CHD7: variants seen among roughly 807,000 people sequenced by gnomAD.
The protein encoded by CHD7 is ATP-dependent chromatin remodeler CHD7.
Under a neutral mutation model 307.3 loss-of-function variants are expected in CHD7, and 24 were observed. The ratio of observed to expected loss-of-function variants is 0.08; its 90% CI spans 0.06 to 0.11. The LOEUF (loss-of-function observed/expected upper bound fraction) is 0.11. Ranked by LOEUF, CHD7 falls within the 10% of genes least tolerant of loss-of-function variation. The probability of loss-of-function intolerance (pLI) is 1.00; values close to 1 mark genes in which losing one functional copy is unlikely to be tolerated. For synonymous variants in CHD7, 1,363 were observed against 1,349.9 expected (o/e 1.01, Z -0.21); for missense variants, 3,106 against 3,727.1 (o/e 0.83, Z 4.34).
At chr8:60,798,347 G>T (rs1401277669) in intron 4 of CHD7, among the ~76,000 whole-genome samples, 2 of 152,172 alleles carry the variant, frequency 1.3e-5, no homozygotes, top group Non-Finnish European at 2.9e-5. Context: ...ACTTTTTCTA[G>T]AATGGTCTCA....
chr8:60,810,926 C>G (rs1812772013), intron 7 of CHD7, among the ~76,000 whole-genome samples: 1 of 152,210 alleles, frequency 6.6e-6, no homozygotes, highest in South Asian at 2.1e-4. Context: ...AGCTCTGCCT[C>G]TTGTCAGATC....
intron 4 of CHD7, among the ~76,000 whole-genome samples, chr8:60,800,036 T>C (rs967198549): frequency 5.5e-5 from 8 of 144,332 alleles, no homozygotes; most frequent in African/African-American, 1.8e-4. Flanking sequence ...AACATTTTTC[T>C]TTTTTTTTTT....
chr8:60,684,109 T>C (rs1805762426), intron 1 of CHD7, among the ~76,000 whole-genome samples: 1 of 152,224 alleles, frequency 6.6e-6, no homozygotes, highest in Non-Finnish European at 1.5e-5. Context: ...TCTGTTCTGC[T>C]TTTACTTTGA....
rs1166766189 is a variant in CHD7, at chr8:60,849,069, C to A, written c.5319C>A (p.Ile1773=). ...GADSSEADVW[I]PEPFHAEVPA... ...CTTTCAGTGAAGCCGATGTGTGGATCCCTGAACCTTTCCATGCTGAAGTTC... is the reference window on the plus strand; with the variant it reads ...CTTTCAGTGAAGCCGATGTGTGGATACCTGAACCTTTCCATGCTGAAGTTC... The change falls in exon 25 of 38, where the codon ATC becomes ATA. Residue 1773 remains isoleucine (I), a synonymous_variant. Transcript: ENST00000423902. 10 of 1,613,386 alleles carry A rather than the reference C, an allele frequency of 6.2e-6. No individual in the cohort carries two copies. The highest frequency in any genetic ancestry group is 8.5e-6 in the Non-Finnish European group (10 of 1,179,420).
rs548125154 is a variant in CHD7 at position 60,711,944 on chromosome 8, A to G, written c.-174-29315A>G. Reference sequence around the variant, plus strand: ...AAAACCACCAAATGGCTGGTTGATTATAGAGAGCCTTGACTATCCTTTTCA... The same window carrying G: ...AAAACCACCAAATGGCTGGTTGATTGTAGAGAGCCTTGACTATCCTTTTCA... On this transcript the variant is annotated intron_variant, in intron 1 of 37. Transcript: ENST00000423902. Among the ~76,000 whole-genome samples the G allele has an allele frequency of 4.6e-5, 7 of 152,386 alleles. No homozygotes were observed. In the East Asian group the frequency reaches 1.2e-3, roughly 25 times the overall value.
rs1270024347 is a variant in CHD7 at position 60,866,605 on chromosome 8, C to T, written c.*672C>T. ...TCCATTGTCTCGTGGTCTTGTAATG[C>T]ACTGGTAAAAACAAAATAAATAGAT... is the stretch of plus-strand genomic sequence containing the variant. On this transcript the variant is annotated 3_prime_UTR_variant, in exon 38 of 38. Transcript: ENST00000423902. 6.6e-6 allele frequency: 1 copy of T among 152,454 alleles called. No individual in the cohort carries two copies. The highest frequency in any genetic ancestry group is 1.5e-5 in the Non-Finnish European group (1 of 68,000). 9.4% of individuals were successfully genotyped at this position (152,454 alleles called of 1,614,324 possible).
intron 29 of CHD7, 43 bp downstream of exon 29, chr8:60,852,290 C>T (rs1004643387): frequency 5.2e-6 from 8 of 1,543,976 alleles, no homozygotes; most frequent in Non-Finnish European, 7.1e-6. Context: ...GGTACATGCC[C>T]CTCTGCCCTG....
intron 1 of CHD7, among the ~76,000 whole-genome samples, chr8:60,735,059 T>C (rs1808632201): frequency 6.6e-6 from 1 of 152,146 alleles, no homozygotes; most frequent in African/African-American, 2.4e-5. Flanking sequence ...CATTAGCAGG[T>C]TGGGAAATGC....
intron 1 of CHD7, among the ~76,000 whole-genome samples, chr8:60,740,052 G>A (rs1275839507): frequency 9.9e-5 from 15 of 152,154 alleles, no homozygotes; most frequent in Admixed American, 9.8e-4. Flanking sequence ...TTTAATTAGT[G>A]TTCAACAAAA....
At chr8:60,843,458 G>T (rs868578765) in intron 21 of CHD7, among the ~76,000 whole-genome samples, 1 of 152,154 alleles carries the variant, frequency 6.6e-6, no homozygotes, top group South Asian at 2.1e-4. Context: ...TCTTTCAGTC[G>T]AGCCCTTCCC....
chr8:60,773,062 C>T (rs1001645138), intron 2 of CHD7, among the ~76,000 whole-genome samples: 2 of 152,230 alleles, frequency 1.3e-5, no homozygotes, highest in South Asian at 2.1e-4. Flanking sequence ...TCACCCACCT[C>T]ACCAACCTCA....
intron 1 of CHD7, among the ~76,000 whole-genome samples, chr8:60,718,564 T>A (rs1362949534): frequency 6.6e-6 from 1 of 152,156 alleles, no homozygotes; most frequent in Non-Finnish European, 1.5e-5. Flanking sequence ...AATAAAGATA[T>A]AAAGAAAGAA....
intron 3 of CHD7, among the ~76,000 whole-genome samples, chr8:60,782,739 T>C (rs1256943102): frequency 1.3e-5 from 2 of 152,212 alleles, no homozygotes; most frequent in Non-Finnish European, 2.9e-5. Context: ...ATAAAATCTG[T>C]TTTTATTTAA....
At chr8:60,704,857 A>G (rs968967469) in intron 1 of CHD7, among the ~76,000 whole-genome samples, 2 of 152,058 alleles carry the variant, frequency 1.3e-5, no homozygotes, top group Non-Finnish European at 2.9e-5. Flanking sequence ...TCTTGAGCAC[A>G]TGGCTTGGCT....
chr8:60,780,853 C>A lies in CHD7; in HGVS notation c.1666-147C>A, dbSNP rs6471901. 0.78 allele frequency: 779,537 copies of A among 1,000,154 alleles called. 305,500 individuals are homozygous for A. The highest frequency in any genetic ancestry group is 0.95 in the East Asian group (30,921 of 32,514). 62.0% of individuals were successfully genotyped at this position (1,000,154 alleles called of 1,614,324 possible). ...ATACATTTTTTTTGGATGAGAGAAG[C>A]TGATAGATTCTACAACTGTATAGTT... is the stretch of plus-strand genomic sequence containing the variant. On this transcript the variant is annotated intron_variant, in intron 2 of 37. Coordinates refer to ENST00000423902, the MANE Select transcript of CHD7 (RefSeq NM_017780.4).
At chr8:60,701,438 ATACTTGG>A (rs1806756047) in intron 1 of CHD7, among the ~76,000 whole-genome samples, 1 of 152,186 alleles carries the variant, frequency 6.6e-6, no homozygotes. Flanking sequence ...CTAGCTAGTT[ATACTTGG>A]ATGGTTGGTT....
At chr8:60,716,015 C>T (rs1365181436) in intron 1 of CHD7, among the ~76,000 whole-genome samples, 1 of 152,204 alleles carries the variant, frequency 6.6e-6, no homozygotes, top group Non-Finnish European at 1.5e-5. Context: ...CCATTGTTTC[C>T]AGAACCTTCA....
intron 3 of CHD7, among the ~76,000 whole-genome samples, chr8:60,782,147 C>G (rs1234923555): frequency 6.6e-6 from 1 of 152,130 alleles, no homozygotes; most frequent in Non-Finnish European, 1.5e-5. Flanking sequence ...TGTTCTGAAC[C>G]AGTTCCAGAC....
chr8:60,704,046 C>T (rs973106521), intron 1 of CHD7, among the ~76,000 whole-genome samples: 3 of 151,952 alleles, frequency 2.0e-5, no homozygotes, highest in Non-Finnish European at 2.9e-5. Flanking sequence ...GGCTTTTTTC[C>T]CCTGATGCTT....
Sources: gnomAD v4.1 joint callset for allele counts (sites outside exome capture counted in the v4.1 genomes callset) on GRCh38, gnomAD v4.1.1 for gene constraint, MANE v1.5 for transcripts, NCBI Gene and HGNC (gene_info 2026-07-23, HGNC 2026-07-21) for gene names.